TATDN2: variants seen among roughly 807,000 people sequenced by gnomAD.
TATDN2 encodes the protein 3'-5' RNA nuclease TATDN2.
TATDN2 carries 44 observed loss-of-function variants against 60.3 expected under a neutral mutation model. That is an observed-to-expected ratio of 0.73 (90% CI 0.57 to 0.94). The LOEUF (loss-of-function observed/expected upper bound fraction) is 0.94. Ranked by LOEUF, TATDN2 falls within the 40% of genes least tolerant of loss-of-function variation. The pLI, the probability that TATDN2 is intolerant of heterozygous loss-of-function variation, is 0.00. For missense variants in TATDN2, 997 were observed against 948.0 expected (o/e 1.05, Z -0.68); for synonymous variants, 399 against 355.8 (o/e 1.12, Z -1.37).
chr3:10,277,545 G>A (rs546214918), intron 5 of TATDN2, among the ~76,000 whole-genome samples: 4 of 152,270 alleles, frequency 2.6e-5, no homozygotes, highest in African/African-American at 4.8e-5. Context: ...CACCCAAATC[G>A]GGTCTTGTCA....
chr3:10,258,925 A>G (rs1489059786), intron 2 of TATDN2, among the ~76,000 whole-genome samples: 1 of 151,964 alleles, frequency 6.6e-6, no homozygotes, highest in Non-Finnish European at 1.5e-5. Context: ...GCTGGAGTGC[A>G]GTGGTGCCGT....
At position 10,272,440 on chromosome 3, in the gene TATDN2, A is replaced by ATT. The variant is rs78435606; in HGVS notation, c.1833+1439_1833+1440dup. On this transcript the variant is annotated intron_variant, in intron 4 of 7. Transcript: ENST00000448281. The stretch of plus-strand genomic sequence containing the variant: ...AGGTGCCTGCCACCACACCCGGCTA[A>ATT]TTTTTTTTTTTTTTTAAGGCAGAGT... Among the ~76,000 whole-genome samples, 718 of 143,126 alleles carry ATT rather than the reference A, an allele frequency of 5.0e-3. 4 individuals are homozygous for ATT. The highest frequency in any genetic ancestry group is 0.016 in the African/African-American group (635 of 38,670). 93.9% of individuals were successfully genotyped at this position (143,126 alleles called of 152,430 possible).
intron 2 of TATDN2, among the ~76,000 whole-genome samples, chr3:10,257,905 G>T (rs1698339336): frequency 8.9e-6 from 1 of 112,422 alleles, no homozygotes; most frequent in Non-Finnish European, 1.7e-5. Context: ...CTGTAGCCCA[G>T]GCTGGAGTGC....
intron 3 of TATDN2, among the ~76,000 whole-genome samples, chr3:10,264,085 T>C (rs992292536): frequency 1.3e-5 from 2 of 152,188 alleles, no homozygotes; most frequent in African/African-American, 4.8e-5. Context: ...CCAGGCCTTA[T>C]TCTAGAGATC....
At position 10,276,952 on chromosome 3, in the gene TATDN2, C is replaced by CTT. The variant is rs200656324; in HGVS notation, c.1961+478_1961+479dup. 2.3e-4 allele frequency among the ~76,000 whole-genome samples: 33 copies of CTT among 141,242 alleles called. No homozygotes were observed. The South Asian group carries it at 5.0e-3, about 21-fold the overall frequency. 92.7% of individuals were successfully genotyped at this position (141,242 alleles called of 152,430 possible). A position where few individuals can be genotyped will look rare whatever the true frequency, so the allele number is the denominator to read the frequency against. ...CCACTTGAAATTTCTCATATTTGACCTTTTTTTTTTTTTTTGCTCACAAAA... is the reference window on the plus strand; with the variant it reads ...CCACTTGAAATTTCTCATATTTGACCTTTTTTTTTTTTTTTTTGCTCACAAAA... On this transcript the variant is annotated intron_variant, in intron 5 of 7. Coordinates refer to ENST00000448281, the MANE Select transcript of TATDN2 (RefSeq NM_014760.4).
chr3:10,252,988 C>G (rs1698254257), intron 2 of TATDN2, among the ~76,000 whole-genome samples: 1 of 151,950 alleles, frequency 6.6e-6, no homozygotes, highest in Non-Finnish European at 1.5e-5. Context: ...TCCCCAGCAG[C>G]TGGGACTACA....
intron 2 of TATDN2, among the ~76,000 whole-genome samples, chr3:10,257,954 G>A (rs1174504770): frequency 1.5e-4 from 20 of 136,378 alleles, no homozygotes; most frequent in South Asian, 2.6e-4. Flanking sequence ...TCCGCCTCCC[G>A]GGTTCACGCC....
intron 3 of TATDN2, 41 bp downstream of exon 3, chr3:10,260,711 G>C (rs439483): frequency 0.46 from 719,786 of 1,574,336 alleles, 180,231 homozygotes; most frequent in East Asian, 0.98. Flanking sequence ...TTTTAGTTCT[G>C]TTGATGAAAT....
Position 10,278,363 on chromosome 3 carries a change from G to A in TATDN2, c.2046G>A (p.Leu682=). The A allele has an allele frequency of 6.2e-7, 1 of 1,614,186 alleles. No homozygotes were observed. The highest frequency in any genetic ancestry group is 1.1e-5 in the South Asian group (1 of 91,076). Residue 682 remains leucine, a synonymous_variant, in exon 6 of 8, where the codon CTG becomes CTA. Coordinates refer to ENST00000448281, the MANE Select transcript of TATDN2 (RefSeq NM_014760.4). This position sits in a 1 kb window ranked among gnomAD's most constrained non-coding sequence, Gnocchi z 4.7. ...TGTCTGTGGGCTTCACGGCAGTGCT[G>A]ACATACTCCTCTGCCTGGGAGGCCC... ...PNMSVGFTAV[L]TYSSAWEARE...
intron 3 of TATDN2, among the ~76,000 whole-genome samples, chr3:10,264,015 G>A (rs377148637): frequency 1.2e-4 from 18 of 152,152 alleles, no homozygotes; most frequent in African/African-American, 4.1e-4. Context: ...CGGGGGCGGC[G>A]TCAGCATTCA....
intron 3 of TATDN2, among the ~76,000 whole-genome samples, chr3:10,263,914 C>G (rs758702328): frequency 6.6e-6 from 1 of 152,158 alleles, no homozygotes; most frequent in African/African-American, 2.4e-5. Flanking sequence ...TTTAGGAAAG[C>G]CTCGAGACTG....
At chr3:10,273,735 A>G (rs1698598147) in intron 4 of TATDN2, among the ~76,000 whole-genome samples, 1 of 152,234 alleles carries the variant, frequency 6.6e-6, no homozygotes, top group Non-Finnish European at 1.5e-5. Context: ...AAGCAAAACA[A>G]TTGGGGAAAG....
At chr3:10,259,891 C>G (rs2125174212) in intron 2 of TATDN2, among the ~76,000 whole-genome samples, 1 of 152,294 alleles carries the variant, frequency 6.6e-6, no homozygotes, top group Middle Eastern at 3.4e-3. Context: ...GTGTTCATTT[C>G]AGCTCCTTCC....
chr3:10,251,823 G>A (rs953599238), intron 2 of TATDN2, among the ~76,000 whole-genome samples: 5 of 151,766 alleles, frequency 3.3e-5, no homozygotes, highest in Non-Finnish European at 7.4e-5. Flanking sequence ...GTGAGAATAT[G>A]GGCATGTGCC....
At chr3:10,252,995 T>TA (rs1221512366) in intron 2 of TATDN2, among the ~76,000 whole-genome samples, 1 of 151,916 alleles carries the variant, frequency 6.6e-6, no homozygotes, top group African/African-American at 2.4e-5. Flanking sequence ...CAGCTGGGAC[T>TA]ACAGGTGCAC....
intron 3 of TATDN2, among the ~76,000 whole-genome samples, chr3:10,267,583 T>G (rs1698496938): frequency 1.3e-5 from 2 of 152,320 alleles, no homozygotes; most frequent in South Asian, 4.1e-4. Context: ...ATGTTGTAAT[T>G]TATTTGTTGT....
At chr3:10,266,929 G>GTTTTTTTTT (rs1559462593) in intron 3 of TATDN2, among the ~76,000 whole-genome samples, 12 of 100,410 alleles carry the variant, frequency 1.2e-4, no homozygotes, top group South Asian at 4.9e-4. Flanking sequence ...AACTAAGGCA[G>GTTTTTTTTT]TCTTTTTTTT....
chr3:10,253,603 A>G (rs538801748), intron 2 of TATDN2, among the ~76,000 whole-genome samples: 1 of 152,344 alleles, frequency 6.6e-6, no homozygotes. Context: ...CTAAATGTCT[A>G]CATTCAATTT....
intron 2 of TATDN2, among the ~76,000 whole-genome samples, chr3:10,256,896 G>T (rs554539690): frequency 6.6e-6 from 1 of 151,820 alleles, no homozygotes; most frequent in Non-Finnish European, 1.5e-5. Context: ...GATGGGCCAA[G>T]GGTGGCAGGT....
Sources: gnomAD v4.1 joint callset for allele counts (sites outside exome capture counted in the v4.1 genomes callset) on GRCh38, gnomAD v4.1.1 for gene constraint, Gnocchi (gnomAD v3.1) non-coding constraint, MANE v1.5 for transcripts, NCBI Gene and HGNC (gene_info 2026-07-23, HGNC 2026-07-21) for gene names.